Variants in ARID5B observed in about 807,000 individuals in gnomAD.
ARID5B encodes the protein AT-rich interaction domain 5B, also known as AT-rich interactive domain-containing protein 5B.
A neutral mutation model predicts 97.2 loss-of-function variants in ARID5B; 13 were observed. The observed-to-expected ratio is 0.13, with a 90% CI of 0.09 to 0.21. The LOEUF is 0.21. Among genes scored for constraint, ARID5B ranks in the 10% least tolerant of loss-of-function variants. The pLI is 1.00. For synonymous variants in ARID5B, 556 were observed against 570.3 expected, an observed-to-expected ratio of 0.97 and a Z score of 0.36; for missense variants, 1,210 against 1,465.3, an observed-to-expected ratio of 0.83 and a Z score of 2.84.
chr10:62,025,826 A>AT (rs1839413841), intron 4 of ARID5B, among the ~76,000 whole-genome samples: 1 of 152,104 alleles, frequency 6.6e-6, no homozygotes, highest in Admixed American at 6.6e-5. Flanking sequence ...AAAAAAAAAA[A>AT]AAAAGCTTAT....
intron 3 of ARID5B, among the ~76,000 whole-genome samples, chr10:61,976,371 A>G (rs1838698408): frequency 6.6e-6 from 1 of 152,226 alleles, no homozygotes; most frequent in Admixed American, 6.5e-5. Context: ...ATCCAGCTCC[A>G]GAGTAAATGG....
intron 4 of ARID5B, among the ~76,000 whole-genome samples, chr10:62,042,458 G>T (rs1839649921): frequency 6.6e-6 from 1 of 152,186 alleles, no homozygotes; most frequent in Non-Finnish European, 1.5e-5. Flanking sequence ...TACTGAATTT[G>T]TGACTTGACA....
In ARID5B at chr10:62,092,900, C is replaced by T. The variant is rs1349220963; in HGVS notation, c.3437C>T (p.Ala1146Val). ...NSQQLYRHLAAATPVGSSYGD... is the reference protein window; with the variant it reads ...NSQQLYRHLAVATPVGSSYGD... ...CAGCAGCTGTACAGACACTTGGCTG[C>T]GGCTACACCTGTAGGAAGTTCATAT... Residue 1146 changes from alanine (A) to valine (V), a missense_variant, in exon 10 of 10, where the codon GCG becomes GTG. Coordinates refer to ENST00000279873, the MANE Select transcript of ARID5B (RefSeq NM_032199.3). The T allele has an allele frequency of 1.2e-6, 2 of 1,614,068 alleles. No individual in the cohort carries two copies. Among genetic ancestry groups the T allele is most frequent in the Non-Finnish European group, 8.5e-7 (1 of 1,180,042 alleles).
At chr10:61,920,319 A>G (rs866945524) in intron 2 of ARID5B, among the ~76,000 whole-genome samples, 70 of 144,604 alleles carry the variant, frequency 4.8e-4, no homozygotes, top group African/African-American at 1.8e-3. Context: ...TCTTTAAAAG[A>G]TGAATCTTTG....
intron 7 of ARID5B, among the ~76,000 whole-genome samples, chr10:62,065,883 A>G (rs1309989873): frequency 6.6e-6 from 1 of 150,674 alleles, no homozygotes; most frequent in Non-Finnish European, 1.5e-5. Context: ...AAGAGCCAGA[A>G]GTTCTCTGTT....
intron 2 of ARID5B, among the ~76,000 whole-genome samples, chr10:61,921,488 ACATGGGCCTCTCCAT>A (rs1226682100): frequency 1.3e-5 from 2 of 152,196 alleles, no homozygotes; most frequent in African/African-American, 2.4e-5. Context: ...TTGCTGGGCC[ACATGGGCCTCTCCAT>A]AGGGCAACTC....
chr10:61,919,321 C>G (rs1227499851), intron 2 of ARID5B, among the ~76,000 whole-genome samples: 1 of 152,062 alleles, frequency 6.6e-6, no homozygotes, highest in Non-Finnish European at 1.5e-5. Flanking sequence ...TTAAAAACAC[C>G]CCTAACTTGA....
chr10:62,031,166 G>A (rs1170136983), intron 4 of ARID5B, among the ~76,000 whole-genome samples: 3 of 152,176 alleles, frequency 2.0e-5, no homozygotes, highest in Admixed American at 1.3e-4. Context: ...CCCAGGAGGC[G>A]GAGGTTGCAG....
chr10:62,067,155 A>G (rs530017969), intron 7 of ARID5B, among the ~76,000 whole-genome samples: 25 of 151,594 alleles, frequency 1.6e-4, no homozygotes, highest in Admixed American at 1.5e-3. Context: ...GCGCGATCTC[A>G]GCTCACCGCA....
intron 3 of ARID5B, among the ~76,000 whole-genome samples, chr10:61,989,120 G>T (rs569795313): frequency 6.6e-6 from 1 of 151,608 alleles, no homozygotes. Flanking sequence ...TAGTAGAGAC[G>T]GGGTTTCGCT....
chr10:61,983,542 A>G (rs968328563), intron 3 of ARID5B, among the ~76,000 whole-genome samples: 26 of 152,194 alleles, frequency 1.7e-4, no homozygotes, highest in Admixed American at 1.4e-3. Context: ...GTATTGGTTC[A>G]GTCTAGGCCT....
intron 3 of ARID5B, among the ~76,000 whole-genome samples, chr10:61,980,134 A>G (rs988966113): frequency 6.6e-6 from 1 of 152,094 alleles, no homozygotes; most frequent in African/African-American, 2.4e-5. Context: ...TACATTATTT[A>G]TATATTTATC....
chr10:61,938,965 G>GTGTA (rs1491440012), intron 2 of ARID5B, among the ~76,000 whole-genome samples: 1 of 13,030 alleles, frequency 7.7e-5, no homozygotes, highest in South Asian at 1.5e-3. Context: ...AATTGGAGAA[G>GTGTA]TGTGTGTGTG....
chr10:62,004,144 T>C (rs1188034583), intron 4 of ARID5B, among the ~76,000 whole-genome samples: 4 of 152,200 alleles, frequency 2.6e-5, no homozygotes, highest in Non-Finnish European at 4.4e-5. Context: ...GAAAGGTTAT[T>C]TTAGGCTTGA....
chr10:61,904,659 T>A (rs1843677731), intron 2 of ARID5B, among the ~76,000 whole-genome samples: 1 of 152,254 alleles, frequency 6.6e-6, no homozygotes, highest in Admixed American at 6.5e-5. Flanking sequence ...ATGCATGATT[T>A]GTTTTTTAAT....
chr10:62,087,744 C>G (rs1840311398), intron 9 of ARID5B, among the ~76,000 whole-genome samples: 1 of 152,076 alleles, frequency 6.6e-6, no homozygotes. Flanking sequence ...CCAGCTGACT[C>G]TTACATAAGA....
intron 2 of ARID5B, among the ~76,000 whole-genome samples, chr10:61,933,295 A>G (rs771880729): frequency 6.6e-6 from 1 of 152,214 alleles, no homozygotes; most frequent in Non-Finnish European, 1.5e-5. Flanking sequence ...TACTTCTTCC[A>G]CTGAAGTCTT....
chr10:61,994,436 G>C lies in ARID5B; in HGVS notation c.503-5655G>C, dbSNP rs190382027. Among the ~76,000 whole-genome samples, 367 of 152,238 alleles carry C rather than the reference G, an allele frequency of 2.4e-3. 1 individual carries two copies. Among genetic ancestry groups the C allele is most frequent in the African/African-American group, 8.2e-3 (342 of 41,532 alleles). On this transcript the variant is annotated intron_variant, in intron 3 of 9. Coordinates refer to ENST00000279873, the MANE Select transcript of ARID5B (RefSeq NM_032199.3). ...TTCTCCTCTGGAATTTATGTTTTCA[G>C]CCTCCGTGCATTTGGCCGCCATTAT...
intron 2 of ARID5B, among the ~76,000 whole-genome samples, chr10:61,908,854 G>A (rs1168766455): frequency 6.7e-6 from 1 of 148,656 alleles, no homozygotes; most frequent in Admixed American, 6.7e-5. Context: ...CCCTCAAGGA[G>A]TTCCCAAACT....
Sources: gnomAD v4.1 joint callset for allele counts (sites outside exome capture counted in the v4.1 genomes callset) on GRCh38, gnomAD v4.1.1 for gene constraint, MANE v1.5 for transcripts, NCBI Gene and HGNC (gene_info 2026-07-23, HGNC 2026-07-21) for gene names.